The following LYN variants were observed in gnomAD, a reference collection of about 807,000 sequenced individuals.
LYN encodes the protein tyrosine-protein kinase Lyn.
In LYN, 12 loss-of-function variants were observed where a neutral mutation model predicts 65.0. That is an observed-to-expected ratio of 0.18 (90% CI 0.12 to 0.30). LYN has a LOEUF of 0.30. Ranked by LOEUF, LYN falls within the 10% of genes least tolerant of loss-of-function variation. LYN has a pLI of 1.00. For synonymous variants in LYN, 222 were observed against 221.2 expected, an observed-to-expected ratio of 1.00 and a Z score of -0.03; for missense variants, 380 against 623.2, an observed-to-expected ratio of 0.61 and a Z score of 4.16.
At chr8:55,896,992 G>A (rs1234325293) in intron 1 of LYN, among the ~76,000 whole-genome samples, 1 of 152,084 alleles carries the variant, frequency 6.6e-6, no homozygotes, top group Non-Finnish European at 1.5e-5. Flanking sequence ...CGCCTGCCTT[G>A]GCCTCCCAAA....
At chr8:55,999,012 A>C (rs907153310) in intron 11 of LYN, among the ~76,000 whole-genome samples, 3 of 152,202 alleles carry the variant, frequency 2.0e-5, no homozygotes, top group South Asian at 4.1e-4. Context: ...GAGAGGCCTA[A>C]GTTCCCCAGC....
At chr8:55,899,924 A>C (rs1290357705) in intron 1 of LYN, among the ~76,000 whole-genome samples, 3 of 152,328 alleles carry the variant, frequency 2.0e-5, no homozygotes, top group East Asian at 1.9e-4. Flanking sequence ...TACAGGCATG[A>C]GCCACCGTGC....
chr8:55,963,354 C>G (rs1585644496), intron 8 of LYN, among the ~76,000 whole-genome samples: 3 of 152,304 alleles, frequency 2.0e-5, no homozygotes, highest in Admixed American at 2.0e-4. Context: ...CCCCACGTCC[C>G]CTTTCCTGAC....
chr8:55,895,143 A>G (rs536887871), intron 1 of LYN, among the ~76,000 whole-genome samples: 1 of 152,192 alleles, frequency 6.6e-6, no homozygotes, highest in East Asian at 1.9e-4. Flanking sequence ...TATTTCCTCC[A>G]GCCACAGTTC....
intron 8 of LYN, among the ~76,000 whole-genome samples, chr8:55,959,682 C>T (rs181765611): frequency 7.9e-5 from 12 of 152,054 alleles, no homozygotes; most frequent in South Asian, 2.1e-4. Context: ...CATATGTCCA[C>T]GCAAAAACCT....
intron 8 of LYN, 106 bp downstream of exon 8, chr8:55,954,090 C>T: frequency 8.2e-7 from 1 of 1,221,352 alleles, no homozygotes; most frequent in Non-Finnish European, 1.2e-6. Flanking sequence ...TAAATTATGT[C>T]AGAAGCATCA....
intron 1 of LYN, among the ~76,000 whole-genome samples, chr8:55,927,873 A>G (rs1806153925): frequency 6.6e-6 from 1 of 152,128 alleles, no homozygotes; most frequent in South Asian, 2.1e-4. Context: ...TGCTATAAAC[A>G]TCTATGTGCA....
At chr8:56,000,763 T>G (rs1319797570) in intron 12 of LYN, among the ~76,000 whole-genome samples, 1 of 150,526 alleles carries the variant, frequency 6.6e-6, no homozygotes, top group Non-Finnish European at 1.5e-5. Flanking sequence ...AAAGAGGGAT[T>G]TCTCCCAGAG....
chr8:55,900,927 A>C (rs1441770245), intron 1 of LYN, among the ~76,000 whole-genome samples: 1 of 152,114 alleles, frequency 6.6e-6, no homozygotes, highest in Non-Finnish European at 1.5e-5. Flanking sequence ...TCTAGTTGAG[A>C]GTTTACTAAC....
chr8:55,902,337 T>TCTTC (rs1428763605), intron 1 of LYN, among the ~76,000 whole-genome samples: 1 of 150,154 alleles, frequency 6.7e-6, no homozygotes. Context: ...CTTTCTTTTT[T>TCTTC]TTTTTTTTGA....
At chr8:55,967,450 G>A (rs1807494238) in intron 9 of LYN, among the ~76,000 whole-genome samples, 1 of 151,644 alleles carries the variant, frequency 6.6e-6, no homozygotes, top group African/African-American at 2.4e-5. Flanking sequence ...TAGTAGCTGG[G>A]ACTACAGGCA....
chr8:55,977,478 A>C (rs1807789376), intron 10 of LYN, among the ~76,000 whole-genome samples: 1 of 152,192 alleles, frequency 6.6e-6, no homozygotes, highest in African/African-American at 2.4e-5. Flanking sequence ...TGACTTTTGG[A>C]GAATCACAGA....
chr8:55,903,245 A>C (rs780366159), intron 1 of LYN, among the ~76,000 whole-genome samples: 2 of 152,180 alleles, frequency 1.3e-5, no homozygotes, highest in South Asian at 2.1e-4. Context: ...CGCCCACCTC[A>C]GCCTCCCAAA....
Position 55,909,993 on chromosome 8 carries a change from CTTTT to C in LYN, c.-6+29904_-6+29907del, listed in dbSNP as rs56923750. Among the ~76,000 whole-genome samples the C allele has an allele frequency of 7.2e-3, 998 of 138,038 alleles. 6 individuals are homozygous for C. Among genetic ancestry groups the C allele is most frequent in the African/African-American group, 0.023 (848 of 37,498 alleles). The allele number at this position is 138,038 out of a possible 152,430, so 90.6% of individuals were successfully genotyped here. ...GTTGTTTGTGTGTGTGTGTGTGTGT[CTTTT>C]TTTTTTTTTTTTTGAGTTGTTTGAG... On this transcript the variant is annotated intron_variant, in intron 1 of 12. Coordinates refer to ENST00000519728, the MANE Select transcript of LYN (RefSeq NM_002350.4).
chr8:55,928,573 C>T (rs1806176573), intron 1 of LYN, among the ~76,000 whole-genome samples: 1 of 152,160 alleles, frequency 6.6e-6, no homozygotes, highest in Non-Finnish European at 1.5e-5. Flanking sequence ...TTTTAAAAAT[C>T]AGGTTGTTTG....
intron 8 of LYN, among the ~76,000 whole-genome samples, chr8:55,954,423 C>T (rs1422267174): frequency 1.3e-5 from 2 of 152,172 alleles, no homozygotes; most frequent in East Asian, 1.9e-4. Flanking sequence ...CTCAAAGTCA[C>T]GTCATGAAGA....
chr8:55,917,597 A>C (rs911576139), intron 1 of LYN, among the ~76,000 whole-genome samples: 1 of 152,216 alleles, frequency 6.6e-6, no homozygotes, highest in Non-Finnish European at 1.5e-5. Context: ...GGCTAGCAAG[A>C]AAGAAAGAAA....
chr8:55,890,726 AAT>A (rs1491291948), intron 1 of LYN, among the ~76,000 whole-genome samples: 1 of 61,200 alleles, frequency 1.6e-5, no homozygotes, highest in Non-Finnish European at 3.3e-5. Flanking sequence ...TGTACATTGG[AAT>A]TTTTTTTTTT....
chr8:55,906,331 T>TTTTTG lies in LYN; in HGVS notation c.-6+26258_-6+26262dup, dbSNP rs150904137. ...ATTGCTTGAGGCCAAGAATTCGTTT[T>TTTTTG]TTTTGTTTTGTTTTGTTTTGTTTTG... On this transcript the variant is annotated intron_variant, in intron 1 of 12. Transcript: ENST00000519728. 5.0e-3 allele frequency among the ~76,000 whole-genome samples: 754 copies of TTTTTG among 151,064 alleles called. 5 individuals carry two copies. The highest frequency in any genetic ancestry group is 0.013 in the African/African-American group (537 of 40,940).
Sources: allele counts gnomAD v4.1 joint callset (sites outside exome capture counted in the v4.1 genomes callset), GRCh38; gene constraint gnomAD v4.1.1; transcripts MANE v1.5; gene names NCBI Gene and HGNC (gene_info 2026-07-23, HGNC 2026-07-21).